The following PIWIL1 variants were observed in gnomAD, a reference collection of about 807,000 sequenced individuals.
PIWIL1 encodes piwi-like protein 1.
Under a neutral mutation model 114.4 loss-of-function variants are expected in PIWIL1, and 73 were observed. That is an observed-to-expected ratio of 0.64 (90% CI 0.53 to 0.78). The LOEUF (loss-of-function observed/expected upper bound fraction) is 0.78, where lower values mean the gene tolerates loss of function less well. Among genes scored for constraint, PIWIL1 ranks in the 30% least tolerant of loss-of-function variants. The pLI, the probability that PIWIL1 is intolerant of heterozygous loss-of-function variation, is 0.00. For synonymous variants in PIWIL1, 375 were observed against 369.0 expected, an observed-to-expected ratio of 1.02 and a Z score of -0.19; for missense variants, 723 against 1,063.1, an observed-to-expected ratio of 0.68 and a Z score of 4.45.
the PIWIL1 span, among the ~76,000 whole-genome samples, chr12:130,393,385 C>T: frequency 6.6e-6 from 1 of 151,644 alleles, no homozygotes; most frequent in African/African-American, 2.4e-5. Flanking sequence ...GTTGTGATGA[C>T]CCAGTCACCG....
In PIWIL1 at chr12:130,362,299, C is replaced by T. The variant is rs138549084; in HGVS notation, c.1971-467C>T. 5.1e-3 allele frequency among the ~76,000 whole-genome samples: 769 copies of T among 152,234 alleles called. 4 individuals are homozygous for T. Among genetic ancestry groups the T allele is most frequent in the Non-Finnish European group, 8.0e-3 (544 of 68,030 alleles). ...CCATGAGTTCTCATCATTTAGCTGC[C>T]GCTTATAAGTGAAAACAGGTGGTAT... On this transcript the variant is annotated intron_variant, in intron 16 of 20. Transcript: ENST00000245255.
chr12:130,371,081 TAC>T (rs2073804708), intron 19 of PIWIL1, 93 bp from the exon 20 acceptor site: 1 of 1,014,540 alleles, frequency 9.9e-7, no homozygotes, highest in African/African-American at 1.6e-5. Flanking sequence ...TGTAGTAACT[TAC>T]AGTGAAGAGT....
In PIWIL1 at chr12:130,357,043, A is replaced by G; in HGVS notation, c.1530A>G (p.Ser510=). 1 of 1,613,932 alleles carries G rather than the reference A, an allele frequency of 6.2e-7. No homozygotes were observed. Residue 510 remains serine, a synonymous_variant, in exon 13 of 21, where the codon TCA becomes TCG. Transcript: ENST00000245255. ...YTRRNYEAAN[S]LIQNLFKVTP... is the part of the protein sequence containing the mutation. ...GAAGAAATTATGAAGCAGCCAATTC[A>G]TTGATACAAAATCTATTTAAAGTTA...
chr12:130,398,889 G>A, the PIWIL1 span: 1 of 275,576 alleles, frequency 3.6e-6, no homozygotes, highest in Non-Finnish European at 6.7e-6. Flanking sequence ...AATGCAAATA[G>A]TAGGAAATGA....
At chr12:130,399,399 CA>C in the PIWIL1 span, among the ~76,000 whole-genome samples, 1 of 152,138 alleles carries the variant, frequency 6.6e-6, no homozygotes, top group Non-Finnish European at 1.5e-5. Flanking sequence ...CACTCTTGAT[CA>C]AACTGAAATG....
chr12:130,399,153 ACTCTTCTT>A, the PIWIL1 span: 1 of 1,392,394 alleles, frequency 7.2e-7, no homozygotes, highest in African/African-American at 1.5e-5. Flanking sequence ...TGAAATGAAC[ACTCTTCTT>A]CTGTTTCCAA....
At position 130,372,087 on chromosome 12, in the gene PIWIL1, A is replaced by G. The variant is rs1045745097; in HGVS notation, c.*489A>G. The G allele has an allele frequency of 6.6e-6, 1 of 152,622 alleles. No homozygotes were observed. The highest frequency in any genetic ancestry group is 1.5e-5 in the Non-Finnish European group (1 of 68,382). The allele number at this position is 152,622 out of a possible 1,614,324, so 9.5% of individuals were successfully genotyped here. ...TATCTTAAAGATAAAAGGTACTATT[A>G]TATAACCTATACACAAGATACAGGA... is the stretch of plus-strand genomic sequence containing the variant. On this transcript the variant is annotated 3_prime_UTR_variant, in exon 21 of 21. Coordinates refer to ENST00000245255, the MANE Select transcript of PIWIL1 (RefSeq NM_004764.5).
At chr12:130,382,587 T>C in the PIWIL1 span, among the ~76,000 whole-genome samples, 339 of 152,366 alleles carry the variant, frequency 2.2e-3, 2 homozygotes, top group African/African-American at 7.8e-3. Context: ...AACTGCCACA[T>C]TGACAAGCAA....
At chr12:130,363,598 G>GTTCTAC (rs2073572701) in intron 18 of PIWIL1, among the ~76,000 whole-genome samples, 1 of 136,630 alleles carries the variant, frequency 7.3e-6, no homozygotes. Context: ...GGCAGGGGTA[G>GTTCTAC]TTCTACTTTC....
downstream of PIWIL1, among the ~76,000 whole-genome samples, chr12:130,374,172 G>T (rs751444269): frequency 6.6e-6 from 1 of 152,108 alleles, no homozygotes; most frequent in African/African-American, 2.4e-5. Flanking sequence ...AATTTTACAC[G>T]CATTCCCTAA....
At chr12:130,339,342 G>A (rs2072831290) in intron 1 of PIWIL1, 1 of 152,290 alleles carries the variant, frequency 6.6e-6, no homozygotes, top group South Asian at 2.1e-4. Flanking sequence ...CTGCACCCCT[G>A]CGCAGCCTGT....
At chr12:130,421,119 A>T in the PIWIL1 span, 1 of 152,176 alleles carries the variant, frequency 6.6e-6, no homozygotes, top group South Asian at 2.1e-4. Context: ...CGGACAGGTC[A>T]TTTAACATGA....
At chr12:130,348,324 A>G (rs1452852014) in intron 7 of PIWIL1, 141 bp downstream of exon 7, 3 of 574,156 alleles carry the variant, frequency 5.2e-6, no homozygotes, top group Admixed American at 3.4e-5. Flanking sequence ...AACTTGAATA[A>G]TGAGGAGACA....
At chr12:130,360,261 G>A (rs2136174128) in intron 14 of PIWIL1, among the ~76,000 whole-genome samples, 1 of 152,286 alleles carries the variant, frequency 6.6e-6, no homozygotes, top group East Asian at 1.9e-4. Flanking sequence ...ACCCAAGGTG[G>A]GAAAATTATT....
chr12:130,369,956 G>C (rs932630173), intron 19 of PIWIL1, among the ~76,000 whole-genome samples: 7 of 152,166 alleles, frequency 4.6e-5, no homozygotes, highest in African/African-American at 1.7e-4. Flanking sequence ...GAGCACCAAA[G>C]TCATCTGTAA....
the PIWIL1 span, chr12:130,407,798 C>T: frequency 2.5e-6 from 4 of 1,613,770 alleles, no homozygotes; most frequent in South Asian, 1.1e-5. Flanking sequence ...GCGTCGATAC[C>T]GAATGACGCC....
the PIWIL1 span, among the ~76,000 whole-genome samples, chr12:130,421,955 G>A: frequency 6.6e-6 from 1 of 152,324 alleles, no homozygotes; most frequent in African/African-American, 2.4e-5. Context: ...CAAGGGAGGT[G>A]CCCAGATGGA....
chr12:130,373,551 G>A (rs929149463), downstream of PIWIL1, among the ~76,000 whole-genome samples: 2 of 152,094 alleles, frequency 1.3e-5, no homozygotes, highest in African/African-American at 4.8e-5. Flanking sequence ...CATCATCCTA[G>A]GTAACACTTC....
chr12:130,421,638 G>A, the PIWIL1 span, among the ~76,000 whole-genome samples: 9,361 of 151,738 alleles, frequency 0.062, 306 homozygotes, highest in Admixed American at 0.11. Flanking sequence ...GCCAAACCAA[G>A]ACGGTTTCTC....
Sources: gnomAD v4.1 joint callset for allele counts (sites outside exome capture counted in the v4.1 genomes callset) on GRCh38, gnomAD v4.1.1 for gene constraint, MANE v1.5 for transcripts, NCBI Gene and HGNC (gene_info 2026-07-23, HGNC 2026-07-21) for gene names.